The following PITPNM2 variants were observed in gnomAD, a reference collection of about 807,000 sequenced individuals.
PITPNM2 encodes the protein membrane-associated phosphatidylinositol transfer protein 2.
PITPNM2 carries 35 observed loss-of-function variants against 132.2 expected under a neutral mutation model. The ratio of observed to expected loss-of-function variants is 0.26; its 90% CI spans 0.20 to 0.35. The LOEUF (loss-of-function observed/expected upper bound fraction) is 0.35. Ranked by LOEUF, PITPNM2 falls within the 10% of genes least tolerant of loss-of-function variation. The pLI is 1.00. For synonymous variants in PITPNM2, 738 were observed against 799.2 expected (o/e 0.92, Z 1.29); for missense variants, 1,332 against 1,912.0 (o/e 0.70, Z 5.66).
rs1006227014 is a variant in PITPNM2, at chr12:123,095,058, G to A, written c.-96+15327C>T. ...CTTTTTCTTTGGTCACTTCTTTTTC[G>A]GGGCACTGGGGCTCACAGCACGGCA... On this transcript the variant is annotated intron_variant, in intron 2 of 25. Transcript: ENST00000320201. This position sits in a 1 kb window ranked among gnomAD's most constrained non-coding sequence, Gnocchi z 5.0. Among the ~76,000 whole-genome samples the A allele has an allele frequency of 2.0e-5, 3 of 152,002 alleles. No individual in the cohort carries two copies. Among genetic ancestry groups the A allele is most frequent in the South Asian group, 4.2e-4 (2 of 4,814 alleles).
chr12:123,041,154 T>C (rs536575083), intron 2 of PITPNM2, among the ~76,000 whole-genome samples: 32 of 152,220 alleles, frequency 2.1e-4, no homozygotes, highest in Non-Finnish European at 4.4e-4. Flanking sequence ...TTTTGTCTTC[T>C]GGGGGTAAGA....
chr12:123,125,764 C>A (rs936771284), intron 1 of PITPNM2, among the ~76,000 whole-genome samples: 36 of 144,526 alleles, frequency 2.5e-4, no homozygotes, highest in Non-Finnish European at 4.7e-4. Context: ...ATCGCTTGAA[C>A]CCCAGAGGCC....
At chr12:123,067,710 A>G (rs1041782488) in intron 2 of PITPNM2, among the ~76,000 whole-genome samples, 1 of 152,152 alleles carries the variant, frequency 6.6e-6, no homozygotes, top group Admixed American at 6.5e-5. Flanking sequence ...GAACTGTGAG[A>G]GAATAAATTT....
intron 2 of PITPNM2, among the ~76,000 whole-genome samples, chr12:123,102,713 C>A (rs942823511): frequency 2.6e-5 from 4 of 152,160 alleles, no homozygotes; most frequent in Admixed American, 6.5e-5. Flanking sequence ...AGCAGCCTTG[C>A]ACACTAAAAA....
intron 3 of PITPNM2, among the ~76,000 whole-genome samples, chr12:123,019,517 A>T: frequency 6.6e-6 from 1 of 152,232 alleles, no homozygotes; most frequent in Non-Finnish European, 1.5e-5. Flanking sequence ...CATCTCCCTG[A>T]CACAGCTCCA....
At position 122,997,428 on chromosome 12, in the gene PITPNM2, C is replaced by T. The variant is rs111928718; in HGVS notation, c.1369G>A (p.Asp457Asn). Residue 457 changes from aspartate to asparagine, a missense_variant, in exon 11 of 26, where the codon GAC becomes AAC. This residue lies in a region of PITPNM2 where 710 missense variants were observed against 911.5 expected (regional missense o/e 0.78). Coordinates refer to ENST00000320201, the MANE Select transcript of PITPNM2 (RefSeq NM_020845.3). ...GDANTIANVF[D>N]TVMRVHYPSA... ...GGGTAGTGCACGCGCATGACGGTGT[C>T]GAACACGTTGGCGATGGTGTTAGCA... 9.3e-6 allele frequency: 15 copies of T among 1,613,558 alleles called. No homozygotes were observed. The Admixed American group carries it at 1.7e-4, about 18-fold the overall frequency.
At chr12:122,987,072 AAAGCCGACATTGAG>A (rs923305399) in intron 23 of PITPNM2, among the ~76,000 whole-genome samples, 195 bp downstream of exon 23, 4 of 152,256 alleles carry the variant, frequency 2.6e-5, no homozygotes, top group African/African-American at 9.6e-5. Context: ...GCGGGAATTG[AAAGCCGACATTGAG>A]AAGTGACATC....
At chr12:123,101,473 A>G (rs1260233814) in intron 2 of PITPNM2, among the ~76,000 whole-genome samples, 3 of 152,226 alleles carry the variant, frequency 2.0e-5, no homozygotes, top group Non-Finnish European at 2.9e-5. Flanking sequence ...GCAATGCTTG[A>G]CTAAAAGGAA....
At chr12:123,062,507 C>A (rs1041220204) in intron 2 of PITPNM2, among the ~76,000 whole-genome samples, 1 of 152,076 alleles carries the variant, frequency 6.6e-6, no homozygotes, top group Non-Finnish European at 1.5e-5. Flanking sequence ...GGGGCAGGGG[C>A]AGAGGCTATT....
In PITPNM2 at chr12:123,004,746, C is replaced by T; in HGVS notation, c.953-257G>A. 1.7e-6 allele frequency: 1 copy of T among 597,276 alleles called. No individual in the cohort carries two copies. The allele number at this position is 597,276 out of a possible 1,614,324, so 37.0% of individuals were successfully genotyped here. On this transcript the variant is annotated intron_variant, in intron 7 of 25. Transcript: ENST00000320201. This position sits in a 1 kb window ranked among gnomAD's most constrained non-coding sequence, Gnocchi z 4.9. ...TGGGGAAGAGCATGACAGACATAAG[C>T]CCAGGACGTGGGGTAAGACAGGCCT...
chr12:123,032,972 C>T (rs2040145969), intron 3 of PITPNM2, among the ~76,000 whole-genome samples: 1 of 152,204 alleles, frequency 6.6e-6, no homozygotes, highest in African/African-American at 2.4e-5. Flanking sequence ...TCAAGCTCCT[C>T]CCAGAAGGCA....
rs555986670 is a variant in PITPNM2 at position 122,995,296 on chromosome 12, G to A, written c.2054+93C>T. 28 of 1,483,974 alleles carry A rather than the reference G, an allele frequency of 1.9e-5. No homozygotes were observed. The East Asian group carries it at 2.1e-4, about 11-fold the overall frequency. The allele number at this position is 1,483,974 out of a possible 1,614,324, so 91.9% of individuals were successfully genotyped here. A position where few individuals can be genotyped will look rare whatever the true frequency, so the allele number is the denominator to read the frequency against. On this transcript the variant is annotated intron_variant, in intron 14 of 25. Transcript: ENST00000320201. Reference sequence around the variant, plus strand: ...TGGGGGAACCTCAGGCAGACAGCCCGGGTCTCCTGTTGGCCATCACAGGGG... The same window carrying A: ...TGGGGGAACCTCAGGCAGACAGCCCAGGTCTCCTGTTGGCCATCACAGGGG...
intron 2 of PITPNM2, chr12:123,075,832 G>A (rs897478883): frequency 6.6e-6 from 1 of 152,368 alleles, no homozygotes; most frequent in African/African-American, 2.4e-5. Flanking sequence ...CCAGGCTGGA[G>A]GAGCCGGCCT....
At position 123,106,661 on chromosome 12, in the gene PITPNM2, G is replaced by A. The variant is rs1371493459; in HGVS notation, c.-96+3724C>T. Among the ~76,000 whole-genome samples the A allele has an allele frequency of 1.3e-5, 2 of 152,226 alleles. No individual in the cohort carries two copies. Among genetic ancestry groups the A allele is most frequent in the Non-Finnish European group, 2.9e-5 (2 of 68,040 alleles). ...GGGGCACAGGTGACAGAACTGGCCA[G>A]GGCATGACATGGGTCATCAGATTGT... is the stretch of plus-strand genomic sequence containing the variant. On this transcript the variant is annotated intron_variant, in intron 2 of 25. Transcript: ENST00000320201. This position sits in a 1 kb window ranked among gnomAD's most constrained non-coding sequence, Gnocchi z 4.4.
chr12:123,021,650 C>CT, intron 3 of PITPNM2: 1 of 984,408 alleles, frequency 1.0e-6, no homozygotes. Flanking sequence ...GCAAGCTGCC[C>CT]TTCCCTGAGG....
At chr12:123,076,739 G>A (rs1376697966) in intron 2 of PITPNM2, among the ~76,000 whole-genome samples, 1 of 152,170 alleles carries the variant, frequency 6.6e-6, no homozygotes, top group Non-Finnish European at 1.5e-5. Context: ...GCTCCCTGGT[G>A]AGTCAGACAG....
intron 1 of PITPNM2, among the ~76,000 whole-genome samples, chr12:123,126,477 T>C (rs1207383203): frequency 6.6e-6 from 1 of 152,184 alleles, no homozygotes; most frequent in Non-Finnish European, 1.5e-5. Context: ...GCTTTAGTCC[T>C]AGGAGAACTG....
intron 2 of PITPNM2, among the ~76,000 whole-genome samples, chr12:123,071,686 G>A (rs751574326): frequency 8.5e-5 from 13 of 152,228 alleles, no homozygotes; most frequent in Admixed American, 7.2e-4. Context: ...ACGATCATCC[G>A]CTTCACACGC....
chr12:122,998,270 T>C (rs112385625), intron 10 of PITPNM2, among the ~76,000 whole-genome samples: 6,675 of 151,750 alleles, frequency 0.044, 480 homozygotes, highest in African/African-American at 0.15. Context: ...AGAGAGGAGG[T>C]CGATCAGATT....
Sources: allele counts gnomAD v4.1 joint callset (sites outside exome capture counted in the v4.1 genomes callset), GRCh38; gene constraint gnomAD v4.1.1; regional missense constraint gnomAD v4.1.1; non-coding constraint Gnocchi (gnomAD v3.1); transcripts MANE v1.5; gene names NCBI Gene and HGNC (gene_info 2026-07-23, HGNC 2026-07-21).